The following ANO8 variants were observed in gnomAD, a reference collection of about 807,000 sequenced individuals.
ANO8 encodes anoctamin-8.
ANO8 carries 67 observed loss-of-function variants against 120.4 expected under a neutral mutation model. That is an observed-to-expected ratio of 0.56 (90% CI 0.46 to 0.68). ANO8 has a LOEUF of 0.68. Ranked by LOEUF, ANO8 falls within the 30% of genes least tolerant of loss-of-function variation. The pLI is 0.00. For synonymous variants in ANO8, 727 were observed against 759.2 expected (o/e 0.96, Z 0.70); for missense variants, 1,526 against 1,737.6 (o/e 0.88, Z 2.16).
chr19:17,334,419 G>A, intron 1 of ANO8, 146 bp downstream of exon 1: 1 of 731,572 alleles, frequency 1.4e-6, no homozygotes, highest in Admixed American at 3.2e-5. Flanking sequence ...CCGCCCGCCG[G>A]GCCGCAGCCG....
Position 17,334,558 on chromosome 19 carries a change from C to G in ANO8, c.106+7G>C, listed in dbSNP as rs1038365764. 8 of 1,549,370 alleles carry G rather than the reference C, an allele frequency of 5.2e-6. No homozygotes were observed. The highest frequency in any genetic ancestry group is 6.9e-6 in the Non-Finnish European group (8 of 1,154,964). On this transcript the variant is annotated splice_region_variant and intron_variant, in intron 1 of 17. Transcript: ENST00000159087. The stretch of plus-strand genomic sequence containing the variant: ...AACCCTGTCTGGTCCAGCCGCCGCA[C>G]ACATACCCAGAACTCCGGACGCCGG...
In ANO8 at chr19:17,328,621, C is replaced by G. The variant is rs1480445232; in HGVS notation, c.1767G>C (p.Glu589Asp). 1 of 1,538,386 alleles carries G rather than the reference C, an allele frequency of 6.5e-7. No individual in the cohort carries two copies. The highest frequency in any genetic ancestry group is 8.8e-7 in the Non-Finnish European group (1 of 1,141,022). ...CCTCCTCTTCCTCCTCGTCCTCCTC[C>G]TCCTCGTCGTCCTCGTCCTCCTCCT... is the stretch of plus-strand genomic sequence containing the variant. ...GGKEEDEDDEEEEDEEEEEDE... is the reference protein window; with the variant it reads ...GGKEEDEDDEDEEDEEEEEDE... The change falls in exon 13 of 18, where the codon GAG becomes GAC. Residue 589 changes from glutamate to aspartate, a missense_variant. Physicochemically the swap from Glu to Asp is conservative, Grantham distance 45 (BLOSUM62 2). Coordinates refer to ENST00000159087, the MANE Select transcript of ANO8 (RefSeq NM_020959.3).
intron 8 of ANO8, among the ~76,000 whole-genome samples, 153 bp downstream of exon 8, chr19:17,330,675 C>T (rs2074311169): frequency 6.6e-6 from 1 of 152,148 alleles, no homozygotes; most frequent in Admixed American, 6.5e-5. Flanking sequence ...TTCCACCTCT[C>T]CCCCTGGGGA....
rs2145685620 is a variant in ANO8, at chr19:17,327,678, C to T, written c.2418+11G>A. On this transcript the variant is annotated intron_variant, in intron 14 of 17. Transcript: ENST00000159087. ...CTGGGCCTCAGCTCGGATCTCTTGG[C>T]TTCCCCCCACCTGCCACTGGCCGAT... 1 of 1,611,094 alleles carries T rather than the reference C, an allele frequency of 6.2e-7. No homozygotes were observed. The highest frequency in any genetic ancestry group is 8.5e-7 in the Non-Finnish European group (1 of 1,178,292).
Position 17,330,215 on chromosome 19 carries a change from C to A in ANO8, c.1183G>T (p.Ala395Ser), listed in dbSNP as rs775528491. The A allele has an allele frequency of 9.9e-6, 16 of 1,614,006 alleles. No individual in the cohort carries two copies. Among genetic ancestry groups the A allele is most frequent in the Non-Finnish European group, 1.3e-5 (15 of 1,180,010 alleles). ...AGCATGACCTTAGGCAGGAATCGGG[C>A]GAGACGGGGCAACCCCTTCACGCTC... ...VLSVKGLPRL[A>S]RFLPKVMLAL... Residue 395 changes from alanine to serine, a missense_variant, in exon 10 of 18, where the codon GCC (alanine) becomes TCC (serine). Ala to Ser is a moderately conservative substitution (Grantham distance 99). Transcript: ENST00000159087.
Position 17,325,390 on chromosome 19 carries a change from C to A in ANO8, c.2662-4G>T. On this transcript the variant is annotated splice_polypyrimidine_tract_variant and splice_region_variant and intron_variant, in intron 16 of 17. Coordinates refer to ENST00000159087, the MANE Select transcript of ANO8 (RefSeq NM_020959.3). ...GCTGGGCCTGGCGCTCGTGTCTCTGCAGGTAGAGCCAAGCCGTTACAGGAC... is the reference window on the plus strand; with the variant it reads ...GCTGGGCCTGGCGCTCGTGTCTCTGAAGGTAGAGCCAAGCCGTTACAGGAC... 1 of 1,573,256 alleles carries A rather than the reference C, an allele frequency of 6.4e-7. No homozygotes were observed. The highest frequency in any genetic ancestry group is 8.6e-7 in the Non-Finnish European group (1 of 1,165,518).
intron 16 of ANO8, among the ~76,000 whole-genome samples, chr19:17,326,177 C>G (rs1006765199): frequency 6.6e-6 from 1 of 152,178 alleles, no homozygotes; most frequent in Admixed American, 6.6e-5. Flanking sequence ...GAGCCTCAAC[C>G]GATCCCCTGC....
rs1489043243 is a variant in ANO8, at chr19:17,328,615, C to T, written c.1773G>A (p.Glu591=). The stretch of plus-strand genomic sequence containing the variant: ...CCTCGTCCTCCTCTTCCTCCTCGTC[C>T]TCCTCCTCCTCGTCGTCCTCGTCCT... The part of the protein sequence containing the change: ...KEEDEDDEEE[E]DEEEEEDEEE... Residue 591 remains glutamate, a synonymous_variant, in exon 13 of 18, where the codon GAG becomes GAA. Transcript: ENST00000159087. 1.3e-6 allele frequency: 2 copies of T among 1,532,098 alleles called. No individual in the cohort carries two copies. Among genetic ancestry groups the T allele is most frequent in the African/African-American group, 1.4e-5 (1 of 72,324 alleles). The allele number at this position is 1,532,098 out of a possible 1,614,324, so 94.9% of individuals were successfully genotyped here.
intron 12 of ANO8, chr19:17,329,473 C>G (rs1456986004): frequency 2.0e-6 from 1 of 497,780 alleles, no homozygotes; most frequent in Non-Finnish European, 3.6e-6. Context: ...ACCGCAGGGC[C>G]GCGAGCGGGA....
At position 17,330,033 on chromosome 19, in the gene ANO8, A is replaced by G. The variant is rs1333025163; in HGVS notation, c.1274-19T>C. On this transcript the variant is annotated intron_variant, in intron 10 of 17. Coordinates refer to ENST00000159087, the MANE Select transcript of ANO8 (RefSeq NM_020959.3). ...TAATTTTCTAGGGGCCAAGGGGGGG[A>G]GTGAGGGGGCAGCCGCGGTCCCCCC... 2 of 1,613,142 alleles carry G rather than the reference A, an allele frequency of 1.2e-6. No homozygotes were observed. The highest frequency in any genetic ancestry group is 8.5e-7 in the Non-Finnish European group (1 of 1,179,808).
Position 17,330,164 on chromosome 19 carries a change from C to G in ANO8, c.1234G>C (p.Glu412Gln), listed in dbSNP as rs779025602. 1.2e-5 allele frequency: 19 copies of G among 1,613,882 alleles called. No homozygotes were observed. Among genetic ancestry groups the G allele is most frequent in the African/African-American group, 6.7e-5 (5 of 74,862 alleles). The change falls in exon 10 of 18, where the codon GAG (glutamate) becomes CAG (glutamine). Residue 412 changes from glutamate (E) to glutamine (Q), a missense_variant. Glu to Gln is a conservative substitution (Grantham distance 29, BLOSUM62 2). Transcript: ENST00000159087. ...CAGATGGCTAGCTTCTTGTAGCCCT[C>G]GGCACTCACACTGACAAGCAGGGCC... ...MLALLVSVSA[E>Q]GYKKLAIWLN...
rs2074348148 is a variant in ANO8, at chr19:17,334,599, C to T, written c.72G>A (p.Glu24=). The change falls in exon 1 of 18, where the codon GAG becomes GAA. Residue 24 remains glutamate, a synonymous_variant. Transcript: ENST00000159087. ...EGERGKRPPP[E]GEPAAPASGV... ...CGGACGCCGGGGCTGCAGGCTCGCC[C>T]TCCGGCGGGGGCCTCTTGCCACGCT... 2.6e-6 allele frequency: 4 copies of T among 1,547,396 alleles called. No homozygotes were observed. The highest frequency in any genetic ancestry group is 2.5e-5 in the East Asian group (1 of 39,398).
chr19:17,333,319 G>C lies in ANO8; in HGVS notation c.351-80C>G. ...GGAGCTGAGGATGGTGCACCTGGCA[G>C]CCTTTGGGACAAACGCAGGGCGGCT... is the stretch of plus-strand genomic sequence containing the variant. On this transcript the variant is annotated intron_variant, in intron 3 of 17. Coordinates refer to ENST00000159087, the MANE Select transcript of ANO8 (RefSeq NM_020959.3). This position sits in a 1 kb window ranked among gnomAD's most constrained non-coding sequence, Gnocchi z 7.2. The C allele has an allele frequency of 6.2e-7, 1 of 1,602,564 alleles. No homozygotes were observed. The highest frequency in any genetic ancestry group is 1.1e-5 in the South Asian group (1 of 90,624).
Position 17,326,358 on chromosome 19 carries a change from C to T in ANO8, c.2661+877G>A, listed in dbSNP as rs151133412. ...CTCTATTAAAAATAGAAAAATTAGC[C>T]AGGCGTGGTGGGACATGCCTGTAAT... On this transcript the variant is annotated intron_variant, in intron 16 of 17. Coordinates refer to ENST00000159087, the MANE Select transcript of ANO8 (RefSeq NM_020959.3). Among the ~76,000 whole-genome samples, 1,098 of 152,178 alleles carry T rather than the reference C, an allele frequency of 7.2e-3. 11 individuals are homozygous for T. Among genetic ancestry groups the T allele is most frequent in the African/African-American group, 0.025 (1,050 of 41,510 alleles).
Position 17,328,941 on chromosome 19 carries a change from C to A in ANO8, c.1447G>T (p.Val483Leu). 3 of 1,509,806 alleles carry A rather than the reference C, an allele frequency of 2.0e-6. No individual in the cohort carries two copies. The highest frequency in any genetic ancestry group is 8.8e-7 in the Non-Finnish European group (1 of 1,131,008). The allele number at this position is 1,509,806 out of a possible 1,614,324, so 93.5% of individuals were successfully genotyped here. A position where few individuals can be genotyped will look rare whatever the true frequency, so the allele number is the denominator to read the frequency against. ...LLITRQFLQN[V>L]REVLQPHLYR... ...AGGTGCGGCTGCAGGACCTCGCGCA[C>A]GTTCTGGAGGAACTGGCGGGTGATC... Residue 483 changes from valine (V) to leucine (L), a missense_variant, in exon 13 of 18, where the codon GTG (valine) becomes TTG (leucine). Physicochemically the swap from Val to Leu is conservative, Grantham distance 32. Coordinates refer to ENST00000159087, the MANE Select transcript of ANO8 (RefSeq NM_020959.3).
intron 5 of ANO8, among the ~76,000 whole-genome samples, chr19:17,331,716 C>T (rs1022281660): frequency 2.0e-5 from 3 of 151,142 alleles, no homozygotes; most frequent in African/African-American, 7.3e-5. Context: ...GCGTGATCTC[C>T]GCTCACCGCA....
At chr19:17,330,735 C>T (rs1386395906) in intron 8 of ANO8, 93 bp downstream of exon 8, 6 of 1,494,154 alleles carry the variant, frequency 4.0e-6, no homozygotes, top group Non-Finnish European at 5.4e-6. Flanking sequence ...TGAAACAATC[C>T]TGTTTCACAC....
rs1302347254 is a variant in ANO8 at position 17,325,380 on chromosome 19, C to T, written c.2668G>A (p.Glu890Lys). 6 of 1,581,426 alleles carry T rather than the reference C, an allele frequency of 3.8e-6. No homozygotes were observed. Among genetic ancestry groups the T allele is most frequent in the Middle Eastern group, 1.7e-4 (1 of 5,960 alleles). The change falls in exon 17 of 18, where the codon GAG becomes AAG. Residue 890 changes from glutamate to lysine, a missense_variant. Coordinates refer to ENST00000159087, the MANE Select transcript of ANO8 (RefSeq NM_020959.3). ...TGGTAGCGATGCTGGGCCTGGCGCT[C>T]GTGTCTCTGCAGGTAGAGCCAAGCC... ...YQRREAFKRH[E>K]RQAQHRYQQQ...
Position 17,327,848 on chromosome 19 carries a change from C to T in ANO8, c.2259G>A (p.Val753=), listed in dbSNP as rs746293494. 3 of 1,614,138 alleles carry T rather than the reference C, an allele frequency of 1.9e-6. No homozygotes were observed. The South Asian group carries it at 3.3e-5, about 18-fold the overall frequency. The change falls in exon 14 of 18, where the codon GTG becomes GTA. Residue 753 remains valine, a synonymous_variant. Transcript: ENST00000159087. Reference sequence around the variant, plus strand: ...AGAAGAGCACAACGTAGCCGAACTGCACGAACATCTCCTGGTAGTCCTGGA... The same window carrying T: ...AGAAGAGCACAACGTAGCCGAACTGTACGAACATCTCCTGGTAGTCCTGGA... ...DTFQDYQEMF[V]QFGYVVLFSS...
Sources: gnomAD v4.1 joint callset for allele counts (sites outside exome capture counted in the v4.1 genomes callset) on GRCh38, gnomAD v4.1.1 for gene constraint, Gnocchi (gnomAD v3.1) non-coding constraint, MANE v1.5 for transcripts, NCBI Gene and HGNC (gene_info 2026-07-23, HGNC 2026-07-21) for gene names.